The following FAM177B variants were observed in gnomAD, a reference collection of about 807,000 sequenced individuals.
The protein encoded by FAM177B is protein FAM177B.
Under a neutral mutation model 16.1 loss-of-function variants are expected in FAM177B, and 16 were observed. The observed-to-expected ratio is 0.99, with a 90% confidence interval of 0.67 to 1.51. The LOEUF is 1.51. Ranked by LOEUF, FAM177B falls within the 40% of genes most tolerant of loss-of-function variation. The pLI is 0.00. For missense variants in FAM177B, 178 were observed against 183.7 expected, an observed-to-expected ratio of 0.97 and a Z score of 0.18; for synonymous variants, 56 against 59.9, an observed-to-expected ratio of 0.93 and a Z score of 0.30.
intron 2 of FAM177B, among the ~76,000 whole-genome samples, chr1:222,741,063 T>C (rs1658505113): frequency 7.3e-6 from 1 of 136,670 alleles, no homozygotes; most frequent in African/African-American, 2.7e-5. Flanking sequence ...TTTTCTTTTT[T>C]TTTTTTTTTT....
chr1:222,745,212 C>T (rs960905415), intron 2 of FAM177B, among the ~76,000 whole-genome samples: 5 of 152,154 alleles, frequency 3.3e-5, no homozygotes, highest in African/African-American at 1.2e-4. Context: ...TTGGAGTGTT[C>T]ACAAATAAAA....
At chr1:222,742,327 T>G (rs1053697991) in intron 2 of FAM177B, among the ~76,000 whole-genome samples, 1 of 152,194 alleles carries the variant, frequency 6.6e-6, no homozygotes, top group African/African-American at 2.4e-5. Context: ...CAACTTGAAA[T>G]TCATGGTCTT....
chr1:222,738,286 A>G (rs1658376403), intron 2 of FAM177B, among the ~76,000 whole-genome samples: 1 of 152,180 alleles, frequency 6.6e-6, no homozygotes, highest in Non-Finnish European at 1.5e-5. Context: ...AAGAGGTCCA[A>G]TCACTGAGCC....
intron 2 of FAM177B, among the ~76,000 whole-genome samples, chr1:222,744,472 C>CAAAAAAAA (rs763596466): frequency 1.2e-5 from 1 of 82,480 alleles, no homozygotes; most frequent in Non-Finnish European, 2.7e-5. Flanking sequence ...AACTCCATCT[C>CAAAAAAAA]AAAAAAAAAA....
chr1:222,741,604 T>C (rs1658536270), intron 2 of FAM177B, among the ~76,000 whole-genome samples: 1 of 151,880 alleles, frequency 6.6e-6, no homozygotes, highest in African/African-American at 2.4e-5. Context: ...CGCTGCTCAT[T>C]GCAACCTCAC....
rs143857656 is a variant in FAM177B, at chr1:222,748,691, C to T, written c.242-774C>T. Reference sequence around the variant, plus strand: ...TAAAAAGTTATCTTCTACACATGTACTAGGCAGTGCAGCAAATAAACAGGA... The same window carrying T: ...TAAAAAGTTATCTTCTACACATGTATTAGGCAGTGCAGCAAATAAACAGGA... On this transcript the variant is annotated intron_variant, in intron 4 of 5. Coordinates refer to ENST00000445590, the MANE Select transcript of FAM177B (RefSeq NM_001394345.1). Among the ~76,000 whole-genome samples, 590 of 152,116 alleles carry T rather than the reference C, an allele frequency of 3.9e-3. 6 individuals are homozygous for T. Among genetic ancestry groups the T allele is most frequent in the African/African-American group, 0.013 (554 of 41,490 alleles).
chr1:222,743,395 C>T (rs772119230), intron 2 of FAM177B, among the ~76,000 whole-genome samples: 4 of 151,758 alleles, frequency 2.6e-5, no homozygotes, highest in African/African-American at 9.7e-5. Context: ...TGACCTCATG[C>T]GATCCACCCG....
intron 4 of FAM177B, among the ~76,000 whole-genome samples, chr1:222,748,785 G>A (rs1391196068): frequency 1.3e-5 from 2 of 152,130 alleles, no homozygotes; most frequent in Non-Finnish European, 2.9e-5. Context: ...TGCCCTATAT[G>A]AGCAATATCC....
chr1:222,745,607 A>C (rs1344615946), intron 2 of FAM177B, among the ~76,000 whole-genome samples: 2 of 151,108 alleles, frequency 1.3e-5, no homozygotes, highest in Non-Finnish European at 2.9e-5. Context: ...ACAGAGAAAG[A>C]CTCTGTCTCT....
chr1:222,746,166 CT>C (rs1658786611), intron 2 of FAM177B, among the ~76,000 whole-genome samples: 1 of 152,156 alleles, frequency 6.6e-6, no homozygotes, highest in Non-Finnish European at 1.5e-5. Flanking sequence ...TTTCTCCTGT[CT>C]GTGTGAAGTC....
chr1:222,744,113 GA>G (rs1658677329), intron 2 of FAM177B, among the ~76,000 whole-genome samples: 2 of 152,100 alleles, frequency 1.3e-5, no homozygotes, highest in Non-Finnish European at 2.9e-5. Flanking sequence ...GGAATAGGAA[GA>G]ATTATTCTAC....
At chr1:222,738,859 G>T (rs1340728466) in intron 2 of FAM177B, among the ~76,000 whole-genome samples, 1 of 152,120 alleles carries the variant, frequency 6.6e-6, no homozygotes, top group Admixed American at 6.5e-5. Flanking sequence ...ATTCTAAAAT[G>T]CCCATTAGGT....
intron 4 of FAM177B, among the ~76,000 whole-genome samples, chr1:222,748,379 T>C (rs1658896672): frequency 6.6e-6 from 1 of 152,162 alleles, no homozygotes. Context: ...AGAAGAATGA[T>C]TTGCATGTTG....
intron 4 of FAM177B, chr1:222,748,890 T>C: frequency 2.7e-6 from 1 of 371,116 alleles, no homozygotes; most frequent in South Asian, 2.2e-5. Context: ...GGAAAACTTT[T>C]CTAGGAGACT....
At position 222,747,002 on chromosome 1, in the gene FAM177B, C is replaced by T. The variant is rs1256061920; in HGVS notation, c.175-13C>T. On this transcript the variant is annotated splice_polypyrimidine_tract_variant and intron_variant, in intron 3 of 5. Transcript: ENST00000445590. ...CTTATTAACTACTCTATCTCAATTT[C>T]TCCTTTTTTCAGTCTAAACTTTCCT... The T allele has an allele frequency of 6.3e-7, 1 of 1,580,634 alleles. No individual in the cohort carries two copies. The highest frequency in any genetic ancestry group is 1.7e-5 in the Admixed American group (1 of 59,936).
chr1:222,737,800 TAGGTGAGAGACGACGGCAA>T (rs1658350210), intron 1 of FAM177B, 85 bp from the exon 2 acceptor site: 1 of 152,284 alleles, frequency 6.6e-6, no homozygotes, highest in African/African-American at 2.4e-5. Flanking sequence ...TGCAATAATC[TAGGTGAGAGACGACGGCAA>T]GGGTGAGAGA....
chr1:222,745,357 A>C (rs1658743001), intron 2 of FAM177B, among the ~76,000 whole-genome samples: 1 of 152,208 alleles, frequency 6.6e-6, no homozygotes. Context: ...CACATCTGTA[A>C]TCTCAGCACT....
intron 2 of FAM177B, among the ~76,000 whole-genome samples, chr1:222,742,800 C>A (rs546868891): frequency 9.2e-6 from 1 of 109,212 alleles, no homozygotes; most frequent in Admixed American, 9.0e-5. Flanking sequence ...TACGACTATG[C>A]GACGATATTT....
rs1659007001 is a variant in FAM177B, at chr1:222,750,565, A to G, written c.*507A>G. On this transcript the variant is annotated 3_prime_UTR_variant, in exon 6 of 6. Coordinates refer to ENST00000445590, the MANE Select transcript of FAM177B (RefSeq NM_001394345.1). Reference sequence around the variant, plus strand: ...GGGGATTGTTTTACAATAAGTAAACATTGCTAATAACTGTGTTACAAGATC... The same window carrying G: ...GGGGATTGTTTTACAATAAGTAAACGTTGCTAATAACTGTGTTACAAGATC... 3 of 981,126 alleles carry G rather than the reference A, an allele frequency of 3.1e-6. No homozygotes were observed. Among genetic ancestry groups the G allele is most frequent in the Non-Finnish European group, 3.6e-6 (3 of 825,948 alleles). The allele number at this position is 981,126 out of a possible 1,614,324, so 60.8% of individuals were successfully genotyped here.
Sources: allele counts gnomAD v4.1 joint callset (sites outside exome capture counted in the v4.1 genomes callset), GRCh38; gene constraint gnomAD v4.1.1; transcripts MANE v1.5; gene names NCBI Gene and HGNC (gene_info 2026-07-23, HGNC 2026-07-21).